Variants in ICA1 observed in about 807,000 individuals in gnomAD.
ICA1 encodes 69 kDa islet cell autoantigen.
Under a neutral mutation model 71.0 loss-of-function variants are expected in ICA1, and 40 were observed. The ratio of observed to expected loss-of-function variants is 0.56; its 90% CI spans 0.44 to 0.73. The LOEUF (loss-of-function observed/expected upper bound fraction) is 0.73, where lower values mean the gene tolerates loss of function less well. Ranked by LOEUF, ICA1 falls within the 30% of genes least tolerant of loss-of-function variation. The pLI is 0.00. For synonymous variants in ICA1, 207 were observed against 209.5 expected (o/e 0.99, Z 0.10); for missense variants, 578 against 576.5 (o/e 1.00, Z -0.03).
intron 5 of ICA1, chr7:8,218,822 T>C (rs1041621213): frequency 2.7e-5 from 11 of 404,604 alleles, no homozygotes; most frequent in African/African-American, 4.1e-5. Context: ...CCCGTGTTCA[T>C]GGAGGATGGC....
chr7:8,219,848 C>G (rs563168466), intron 5 of ICA1, among the ~76,000 whole-genome samples: 1 of 152,312 alleles, frequency 6.6e-6, no homozygotes, highest in Admixed American at 6.5e-5. Context: ...TTTCTAGATT[C>G]TTTGTTTCTC....
chr7:8,233,964 T>C (rs1484045920), intron 2 of ICA1, among the ~76,000 whole-genome samples: 4 of 152,210 alleles, frequency 2.6e-5, no homozygotes, highest in Non-Finnish European at 5.9e-5. Context: ...GGCTCATGCC[T>C]TTAATTCTAG....
rs766748778 is a variant in ICA1 at position 8,222,324 on chromosome 7, G to A, written c.257-926C>T. 3.9e-5 allele frequency among the ~76,000 whole-genome samples: 6 copies of A among 152,158 alleles called. No individual in the cohort carries two copies. The highest frequency in any genetic ancestry group is 5.9e-5 in the Non-Finnish European group (4 of 68,024). ...CAGCAGCCAAGCCACAGGCACCAGAGTGACACTTAGCTTCCTCGGATGTGC... is the reference window on the plus strand; with the variant it reads ...CAGCAGCCAAGCCACAGGCACCAGAATGACACTTAGCTTCCTCGGATGTGC... On this transcript the variant is annotated intron_variant, in intron 4 of 13. Transcript: ENST00000402384. This position sits in a 1 kb window ranked among gnomAD's most constrained non-coding sequence, Gnocchi z 4.8.
intron 6 of ICA1, among the ~76,000 whole-genome samples, chr7:8,188,075 G>A (rs1784435019): frequency 6.6e-6 from 1 of 152,178 alleles, no homozygotes; most frequent in Non-Finnish European, 1.5e-5. Flanking sequence ...TGTTTCTTAC[G>A]CTAAAGGCAT....
At chr7:8,246,089 A>T (rs1364540760) in intron 1 of ICA1, among the ~76,000 whole-genome samples, 1 of 152,230 alleles carries the variant, frequency 6.6e-6, no homozygotes, top group Non-Finnish European at 1.5e-5. Flanking sequence ...ATGGTGTCAC[A>T]TCTCCAGCTT....
At chr7:8,241,778 A>T (rs975334660) in intron 1 of ICA1, among the ~76,000 whole-genome samples, 1 of 152,260 alleles carries the variant, frequency 6.6e-6, no homozygotes, top group Admixed American at 6.5e-5. Flanking sequence ...AGTCTCTGAT[A>T]AAACATACTT....
At chr7:8,182,183 T>C (rs1373640004) in intron 6 of ICA1, among the ~76,000 whole-genome samples, 1 of 152,158 alleles carries the variant, frequency 6.6e-6, no homozygotes, top group Admixed American at 6.5e-5. Context: ...TCAACTTAAA[T>C]CGTAGAATCT....
At chr7:8,118,681 T>C (rs537048174) in intron 13 of ICA1, among the ~76,000 whole-genome samples, 90 of 152,180 alleles carry the variant, frequency 5.9e-4, no homozygotes, top group Non-Finnish European at 7.8e-4. Context: ...ATGCTGATCA[T>C]AGAAAAGCTG....
chr7:8,245,514 G>A (rs1223651560), intron 1 of ICA1, among the ~76,000 whole-genome samples: 1 of 151,996 alleles, frequency 6.6e-6, no homozygotes, highest in Non-Finnish European at 1.5e-5. Context: ...CTTATGTAAT[G>A]AGCCTGCACG....
intron 1 of ICA1, among the ~76,000 whole-genome samples, chr7:8,257,644 A>C (rs1810672648): frequency 1.3e-5 from 2 of 152,104 alleles, no homozygotes; most frequent in Non-Finnish European, 2.9e-5. Flanking sequence ...CTCTTAATTC[A>C]TGTATTTTCT....
intron 6 of ICA1, among the ~76,000 whole-genome samples, chr7:8,207,298 T>G (rs1791938607): frequency 1.3e-5 from 2 of 152,208 alleles, no homozygotes; most frequent in Admixed American, 1.3e-4. Context: ...GAAGCCTGAT[T>G]AATGCATGTG....
rs1262607492 is a variant in ICA1 at position 8,113,664 on chromosome 7, A to G, written c.*259T>C. 5.9e-6 allele frequency: 2 copies of G among 336,400 alleles called. No homozygotes were observed. The highest frequency in any genetic ancestry group is 1.1e-5 in the Non-Finnish European group (2 of 178,320). 20.8% of individuals were successfully genotyped at this position (336,400 alleles called of 1,614,324 possible). A position where few individuals can be genotyped will look rare whatever the true frequency, so the allele number is the denominator to read the frequency against. On this transcript the variant is annotated 3_prime_UTR_variant, in exon 14 of 14. Coordinates refer to ENST00000402384, the MANE Select transcript of ICA1 (RefSeq NM_001136020.3). The surrounding 1 kb of genome is among the most constrained non-coding windows in gnomAD (Gnocchi z 4.2). The stretch of plus-strand genomic sequence containing the variant: ...GTGACACCGCAGCAGCCATGATGGG[A>G]TGTAGGCAGGAGAGCGGTGGCCTGG...
chr7:8,126,945 G>C (rs1789427326), intron 13 of ICA1, among the ~76,000 whole-genome samples: 1 of 151,230 alleles, frequency 6.6e-6, no homozygotes, highest in South Asian at 2.1e-4. Flanking sequence ...GGTGTACCTT[G>C]AACCCTTACT....
chr7:8,206,733 GAAAAAAA>G (rs60704635), intron 6 of ICA1, among the ~76,000 whole-genome samples: 72 of 135,638 alleles, frequency 5.3e-4, no homozygotes, highest in African/African-American at 2.1e-3. Context: ...GGTTTAAAAT[GAAAAAAA>G]AAAAAAAAAA....
chr7:8,178,957 C>A (rs963840712), intron 6 of ICA1, among the ~76,000 whole-genome samples: 2 of 152,144 alleles, frequency 1.3e-5, no homozygotes, highest in Non-Finnish European at 2.9e-5. Flanking sequence ...TCAGACTCCT[C>A]TGAAAATGGT....
intron 6 of ICA1, among the ~76,000 whole-genome samples, chr7:8,208,286 C>A (rs1251358759): frequency 6.6e-6 from 1 of 152,104 alleles, no homozygotes; most frequent in Non-Finnish European, 1.5e-5. Flanking sequence ...TTGATTCTAA[C>A]AAAAGCAACT....
At chr7:8,143,338 A>G (rs1795844236) in intron 9 of ICA1, among the ~76,000 whole-genome samples, 1 of 152,204 alleles carries the variant, frequency 6.6e-6, no homozygotes, top group Non-Finnish European at 1.5e-5. Flanking sequence ...CTGTACTTGA[A>G]GCTGTTCTCT....
At chr7:8,177,290 T>G (rs1161201705) in intron 6 of ICA1, among the ~76,000 whole-genome samples, 1 of 152,228 alleles carries the variant, frequency 6.6e-6, no homozygotes, top group Non-Finnish European at 1.5e-5. Flanking sequence ...GTTTTTACAT[T>G]GTTCCAACAT....
At position 8,221,240 on chromosome 7, in the gene ICA1, TC is replaced by T. The variant is rs770532833; in HGVS notation, c.380+34del. On this transcript the variant is annotated intron_variant, in intron 5 of 13. Transcript: ENST00000402384. ...AGGTGGGTCCCGGAGTCTCCTCAGA[TC>T]CCCCCAGATAGAACCCCACTAAAGG... 10 of 1,611,488 alleles carry T rather than the reference TC, an allele frequency of 6.2e-6. No homozygotes were observed. The East Asian group carries it at 1.8e-4, about 29-fold the overall frequency.
Sources: allele counts gnomAD v4.1 joint callset (sites outside exome capture counted in the v4.1 genomes callset), GRCh38; gene constraint gnomAD v4.1.1; non-coding constraint Gnocchi (gnomAD v3.1); transcripts MANE v1.5; gene names NCBI Gene and HGNC (gene_info 2026-07-23, HGNC 2026-07-21).